Variants in TACR3 observed in about 807,000 individuals in gnomAD.
The protein encoded by TACR3 is tachykinin receptor 3, also known as neuromedin-K receptor.
In TACR3, 34 loss-of-function variants were observed where a neutral mutation model predicts 35.0. The ratio of observed to expected loss-of-function variants is 0.97; its 90% CI spans 0.74 to 1.30. TACR3 has a LOEUF of 1.30. TACR3 is among the 50% of genes most tolerant of loss of function. The pLI is 0.00. For synonymous variants in TACR3, 233 were observed against 221.1 expected (o/e 1.05, Z -0.48); for missense variants, 558 against 591.7 (o/e 0.94, Z 0.59).
intron 1 of TACR3, among the ~76,000 whole-genome samples, chr4:103,677,025 C>G (rs761249946): frequency 1.3e-5 from 2 of 152,050 alleles, no homozygotes; most frequent in Admixed American, 6.6e-5. Flanking sequence ...AAAAAATAAG[C>G]AACCCCATTA....
chr4:103,650,476 TTTATATA>T (rs1359331728), intron 3 of TACR3, among the ~76,000 whole-genome samples: 2 of 134,082 alleles, frequency 1.5e-5, no homozygotes, highest in Non-Finnish European at 3.1e-5. Flanking sequence ...TTTATATATA[TTTATATA>T]TAAATATGTA....
rs915174050 is a variant in TACR3, at chr4:103,700,862, A to G, written c.548+18266T>C. 4.6e-5 allele frequency among the ~76,000 whole-genome samples: 7 copies of G among 152,312 alleles called. 1 individual carries two copies. The South Asian group carries it at 1.2e-3, about 27-fold the overall frequency. On this transcript the variant is annotated intron_variant, in intron 1 of 4. Transcript: ENST00000304883. Reference sequence around the variant, plus strand: ...ACAAAATTCAACAACGCTTCATGCTAAAAACTCAATAAATTAGGTATTGAT... The same window carrying G: ...ACAAAATTCAACAACGCTTCATGCTGAAAACTCAATAAATTAGGTATTGAT...
chr4:103,702,925 T>C (rs1434087728), intron 1 of TACR3, among the ~76,000 whole-genome samples: 1 of 137,240 alleles, frequency 7.3e-6, no homozygotes, highest in Non-Finnish European at 1.6e-5. Context: ...GGGGGAGGGA[T>C]AGCATTAGGA....
intron 3 of TACR3, among the ~76,000 whole-genome samples, chr4:103,612,167 C>T (rs1428432607): frequency 2.0e-5 from 3 of 152,204 alleles, no homozygotes; most frequent in African/African-American, 7.2e-5. Flanking sequence ...TCACCCATTA[C>T]ATACTCCCAT....
intron 1 of TACR3, among the ~76,000 whole-genome samples, chr4:103,708,809 A>C (rs1722862640): frequency 6.6e-6 from 1 of 152,232 alleles, no homozygotes; most frequent in South Asian, 2.1e-4. Flanking sequence ...AGAAGTCCTT[A>C]AATGACCTGA....
intron 3 of TACR3, among the ~76,000 whole-genome samples, chr4:103,596,056 C>A (rs1328915722): frequency 1.3e-5 from 2 of 150,918 alleles, no homozygotes; most frequent in Non-Finnish European, 2.9e-5. Context: ...CAATTTCATC[C>A]ATGTCCCTAC....
chr4:103,718,035 T>C (rs1269091006), intron 1 of TACR3, among the ~76,000 whole-genome samples: 1 of 152,204 alleles, frequency 6.6e-6, no homozygotes, highest in Admixed American at 6.5e-5. Context: ...TAGAGATATA[T>C]GTTACTAATA....
At chr4:103,650,539 A>ATATGTATTATTTATATATATT (rs1560821821) in intron 3 of TACR3, among the ~76,000 whole-genome samples, 4 of 88,372 alleles carry the variant, frequency 4.5e-5, no homozygotes, top group African/African-American at 2.5e-4. Context: ...TTATATATAA[A>ATATGTATTATTTATATATATT]TATATAAAAT....
intron 3 of TACR3, among the ~76,000 whole-genome samples, chr4:103,596,111 T>C (rs1418152914): frequency 6.7e-6 from 1 of 148,934 alleles, no homozygotes; most frequent in Admixed American, 6.8e-5. Flanking sequence ...TAGTATTCCA[T>C]GGTGTATATG....
chr4:103,596,752 C>G (rs558505941), intron 3 of TACR3, among the ~76,000 whole-genome samples: 11 of 151,896 alleles, frequency 7.2e-5, no homozygotes, highest in African/African-American at 2.7e-4. Flanking sequence ...ATCCCTCCCC[C>G]GTCCCCCTAC....
At position 103,627,550 on chromosome 4, in the gene TACR3, A is replaced by T. The variant is rs185737530; in HGVS notation, c.888+28644T>A. The stretch of plus-strand genomic sequence containing the variant: ...AAAATAAATAAATAAATAAATTTTT[A>T]AAAAAAGTCTTGGTAAAGGGATCAA... On this transcript the variant is annotated intron_variant, in intron 3 of 4. Transcript: ENST00000304883. Among the ~76,000 whole-genome samples, 235 of 151,878 alleles carry T rather than the reference A, an allele frequency of 1.5e-3. 2 individuals carry two copies. The highest frequency in any genetic ancestry group is 3.7e-3 in the Admixed American group (57 of 15,238).
At chr4:103,710,174 A>T (rs957148430) in intron 1 of TACR3, among the ~76,000 whole-genome samples, 6 of 152,182 alleles carry the variant, frequency 3.9e-5, no homozygotes, top group Admixed American at 2.6e-4. Flanking sequence ...ACATCTACAG[A>T]ACTCTCCACC....
At chr4:103,605,565 T>G (rs1257751267) in intron 3 of TACR3, among the ~76,000 whole-genome samples, 1 of 151,594 alleles carries the variant, frequency 6.6e-6, no homozygotes, top group Admixed American at 6.6e-5. Context: ...GATTTGCATT[T>G]CTCTGATGGC....
At chr4:103,709,395 C>G (rs1018625996) in intron 1 of TACR3, among the ~76,000 whole-genome samples, 1 of 152,110 alleles carries the variant, frequency 6.6e-6, no homozygotes, top group Non-Finnish European at 1.5e-5. Context: ...AATTTCATAT[C>G]CAGCCAAACT....
At chr4:103,647,441 A>C (rs1352547029) in intron 3 of TACR3, among the ~76,000 whole-genome samples, 3 of 151,936 alleles carry the variant, frequency 2.0e-5, no homozygotes, top group African/African-American at 7.2e-5. Flanking sequence ...GATAATGTTA[A>C]GAAAGCATTC....
chr4:103,636,084 A>C (rs1413924520), intron 3 of TACR3, among the ~76,000 whole-genome samples: 1 of 152,004 alleles, frequency 6.6e-6, no homozygotes, highest in African/African-American at 2.4e-5. Flanking sequence ...AGGTTTACTA[A>C]ATTTAACAAT....
chr4:103,667,421 G>T (rs1299510976), intron 1 of TACR3, among the ~76,000 whole-genome samples: 1 of 151,816 alleles, frequency 6.6e-6, no homozygotes, highest in Non-Finnish European at 1.5e-5. Flanking sequence ...ATCACAACAG[G>T]GCAGCTTATT....
At chr4:103,690,032 A>T (rs117194992) in intron 1 of TACR3, among the ~76,000 whole-genome samples, 1 of 152,284 alleles carries the variant, frequency 6.6e-6, no homozygotes, top group East Asian at 1.9e-4. Context: ...GAAAATAATG[A>T]AATCCAAAAG....
At chr4:103,678,297 T>C (rs1726216632) in intron 1 of TACR3, among the ~76,000 whole-genome samples, 1 of 152,160 alleles carries the variant, frequency 6.6e-6, no homozygotes, top group Non-Finnish European at 1.5e-5. Flanking sequence ...AGTGCCAGTG[T>C]ATTCTCTTTA....
Sources: allele counts gnomAD v4.1 joint callset (sites outside exome capture counted in the v4.1 genomes callset), GRCh38; gene constraint gnomAD v4.1.1; transcripts MANE v1.5; gene names NCBI Gene and HGNC (gene_info 2026-07-23, HGNC 2026-07-21).